ZBTB48: variants seen among roughly 807,000 people sequenced by gnomAD.
ZBTB48 encodes the protein zinc finger and BTB domain-containing protein 48.
ZBTB48 carries 35 observed loss-of-function variants against 64.5 expected under a neutral mutation model. The observed-to-expected ratio is 0.54, with a 90% CI of 0.41 to 0.72. ZBTB48 has a LOEUF of 0.72. Ranked by LOEUF, ZBTB48 falls within the 30% of genes least tolerant of loss-of-function variation. ZBTB48 has a pLI of 0.00. For missense variants in ZBTB48, 828 were observed against 895.3 expected (o/e 0.92, Z 0.96); for synonymous variants, 442 against 356.7 (o/e 1.24, Z -2.70).
In ZBTB48 at chr1:6,580,649, C is replaced by T; in HGVS notation, c.40C>T (p.Gln14Ter). The T allele has an allele frequency of 6.2e-7, 1 of 1,614,032 alleles. No homozygotes were observed. The highest frequency in any genetic ancestry group is 8.5e-7 in the Non-Finnish European group (1 of 1,180,008). ...SFVQHSVRVL[Q>*]ELNKQREKGQ... is the part of the protein sequence containing the mutation. The stretch of plus-strand genomic sequence containing the variant: ...CGTCCAGCACAGTGTGAGGGTTCTG[C>T]AGGAGCTCAACAAGCAGCGGGAGAA... Residue 14 changes from glutamine (Q) to a stop codon, truncating the protein, a stop_gained, in exon 2 of 11, where the codon CAG becomes TAG. Transcript: ENST00000377674. LOFTEE classifies it high-confidence loss of function. This position sits in a 1 kb window ranked among gnomAD's most constrained non-coding sequence, Gnocchi z 5.2.
chr1:6,581,204 C>A lies in ZBTB48; in HGVS notation c.595C>A (p.Pro199Thr), dbSNP rs1255024656. 2 of 1,613,362 alleles carry A rather than the reference C, an allele frequency of 1.2e-6. No individual in the cohort carries two copies. Among genetic ancestry groups the A allele is most frequent in the South Asian group, 2.2e-5 (2 of 91,088 alleles). Residue 199 changes from proline to threonine, a missense_variant, in exon 2 of 11, where the codon CCT becomes ACT. Physicochemically the swap from Pro to Thr is conservative, Grantham distance 38. Transcript: ENST00000377674. ...LCGKLKQALK[P>T]CPLEDKKPED... ...TGGGAAACTGAAGCAGGCCTTGAAG[C>A]CTTGTCCCCTTGAGGACAAGAAACC... is the stretch of plus-strand genomic sequence containing the variant.
chr1:6,582,930 A>C (rs973356832), intron 3 of ZBTB48, among the ~76,000 whole-genome samples: 2 of 152,378 alleles, frequency 1.3e-5, no homozygotes, highest in East Asian at 3.9e-4. Flanking sequence ...CTGGCCTCCC[A>C]AAGTGCTGGA....
Position 6,588,057 on chromosome 1 carries a change from C to A in ZBTB48, c.1380-3C>A. ...CCTCTGCCCCATGTCCCCACCTTAACAGGAATGAGAGGCCACACGTATGTG... is the reference window on the plus strand; with the variant it reads ...CCTCTGCCCCATGTCCCCACCTTAAAAGGAATGAGAGGCCACACGTATGTG... On this transcript the variant is annotated splice_polypyrimidine_tract_variant and splice_region_variant and intron_variant, in intron 7 of 10. Coordinates refer to ENST00000377674, the MANE Select transcript of ZBTB48 (RefSeq NM_005341.4). 1 of 1,614,056 alleles carries A rather than the reference C, an allele frequency of 6.2e-7. No individual in the cohort carries two copies. The highest frequency in any genetic ancestry group is 1.3e-5 in the African/African-American group (1 of 75,064).
chr1:6,588,820 G>C lies in ZBTB48; in HGVS notation c.1746G>C (p.Glu582Asp). 1 of 1,614,150 alleles carries C rather than the reference G, an allele frequency of 6.2e-7. No homozygotes were observed. The highest frequency in any genetic ancestry group is 1.1e-5 in the South Asian group (1 of 91,092). Residue 582 changes from glutamate (E) to aspartate (D), a missense_variant, in exon 10 of 11, where the codon GAG (glutamate) becomes GAC (aspartate). Glu to Asp is a conservative substitution (Grantham distance 45). Coordinates refer to ENST00000377674, the MANE Select transcript of ZBTB48 (RefSeq NM_005341.4). ...HKGVRKFECT[E>D]CGYKFTRQAH... ...GGGTGAGGAAGTTTGAGTGCACCGA[G>C]TGTGGCTACAAGTTTACCCGACAGG...
In ZBTB48 at chr1:6,585,944, G is replaced by C; in HGVS notation, c.958G>C (p.Glu320Gln). ...NRKHTGEKPF[E>Q]CPKCGKCYFR... ...GAAACATACTGGGGAGAAACCCTTT[G>C]AGTGTCCCAAATGTGGGAAGTGTTA... Residue 320 changes from glutamate to glutamine, a missense_variant, in exon 4 of 11, where the codon GAG becomes CAG. Glu to Gln is a conservative substitution (Grantham distance 29, BLOSUM62 2). Coordinates refer to ENST00000377674, the MANE Select transcript of ZBTB48 (RefSeq NM_005341.4). The C allele has an allele frequency of 6.8e-6, 11 of 1,614,100 alleles. No homozygotes were observed. The highest frequency in any genetic ancestry group is 9.3e-6 in the Non-Finnish European group (11 of 1,179,978).
intron 2 of ZBTB48, among the ~76,000 whole-genome samples, chr1:6,581,741 G>T (rs578138989): frequency 4.6e-5 from 7 of 152,212 alleles, no homozygotes; most frequent in Non-Finnish European, 1.0e-4. Context: ...TCCAAAGGAA[G>T]CTGGTGACCT....
Position 6,588,174 on chromosome 1 carries a change from T to C in ZBTB48, c.1494T>C (p.Cys498=). The C allele has an allele frequency of 2.5e-6, 4 of 1,614,116 alleles. No homozygotes were observed. Among genetic ancestry groups the C allele is most frequent in the Non-Finnish European group, 3.4e-6 (4 of 1,180,040 alleles). The change falls in exon 8 of 11, where the codon TGT becomes TGC. Residue 498 remains cysteine (C), a synonymous_variant. Coordinates refer to ENST00000377674, the MANE Select transcript of ZBTB48 (RefSeq NM_005341.4). ...AGAAGCCCTTCCAGTGCCACCTCTG[T>C]GGCAAGACCTTCCGAACCCAAGGTG... ...TGEKPFQCHL[C]GKTFRTQASL... is the part of the protein sequence containing the mutation.
At chr1:6,587,400 T>G in intron 6 of ZBTB48, 78 bp from the exon 7 acceptor site, 1 of 1,607,710 alleles carries the variant, frequency 6.2e-7, no homozygotes, top group African/African-American at 1.3e-5. Flanking sequence ...GGGGGGTGCT[T>G]GTGGGTCTCC....
At chr1:6,587,139 A>G in intron 5 of ZBTB48, 66 bp from the exon 6 acceptor site, 1 of 1,556,216 alleles carries the variant, frequency 6.4e-7, no homozygotes, top group Non-Finnish European at 8.9e-7. Flanking sequence ...CCTATAGCCC[A>G]AGGGTGGGTG....
chr1:6,586,042 C>G lies in ZBTB48; in HGVS notation c.1044+12C>G. The G allele has an allele frequency of 6.2e-7, 1 of 1,613,422 alleles. No homozygotes were observed. Among genetic ancestry groups the G allele is most frequent in the African/African-American group, 1.3e-5 (1 of 75,032 alleles). ...ACCGCTCGGAACAGGTACTTGGGAGCTGGCCCAGGTACTTGTGGGCAGGGC... is the reference window on the plus strand; with the variant it reads ...ACCGCTCGGAACAGGTACTTGGGAGGTGGCCCAGGTACTTGTGGGCAGGGC... On this transcript the variant is annotated intron_variant, in intron 4 of 10. Coordinates refer to ENST00000377674, the MANE Select transcript of ZBTB48 (RefSeq NM_005341.4).
intron 3 of ZBTB48, 51 bp downstream of exon 3, chr1:6,582,350 G>C: frequency 6.3e-7 from 1 of 1,586,086 alleles, no homozygotes; most frequent in Non-Finnish European, 8.6e-7. Flanking sequence ...TTCCCACGTT[G>C]GGGGAGGGGT....
At chr1:6,585,131 C>T (rs1455018755) in intron 3 of ZBTB48, among the ~76,000 whole-genome samples, 1 of 152,074 alleles carries the variant, frequency 6.6e-6, no homozygotes, top group Non-Finnish European at 1.5e-5. Flanking sequence ...TAGCCAGGGT[C>T]TCTAGAGTCT....
In ZBTB48 at chr1:6,580,934, G is replaced by C; in HGVS notation, c.325G>C (p.Glu109Gln). 1 of 1,614,036 alleles carries C rather than the reference G, an allele frequency of 6.2e-7. No homozygotes were observed. Among genetic ancestry groups the C allele is most frequent in the Non-Finnish European group, 8.5e-7 (1 of 1,180,044 alleles). Reference sequence around the variant, plus strand: ...GGAGTTGCGAGTGCCAGAGGCCGTAGAGCTGTGCCAGAGCTTCAAGCCCAA... The same window carrying C: ...GGAGTTGCGAGTGCCAGAGGCCGTACAGCTGTGCCAGAGCTTCAAGCCCAA... The part of the protein sequence containing the change: ...ARELRVPEAV[E>Q]LCQSFKPKTS... The change falls in exon 2 of 11, where the codon GAG becomes CAG. Residue 109 changes from glutamate (E) to glutamine (Q), a missense_variant. Transcript: ENST00000377674. This position sits in a 1 kb window ranked among gnomAD's most constrained non-coding sequence, Gnocchi z 5.2.
chr1:6,582,987 G>A (rs1261791363), intron 3 of ZBTB48, among the ~76,000 whole-genome samples: 2 of 146,878 alleles, frequency 1.4e-5, no homozygotes, highest in African/African-American at 5.1e-5. Flanking sequence ...GCTATTTTAT[G>A]TTTTTTGTTT....
intron 4 of ZBTB48, 114 bp from the exon 5 acceptor site, chr1:6,586,581 C>A: frequency 7.2e-7 from 1 of 1,393,892 alleles, no homozygotes. Flanking sequence ...CCCTAGCGTC[C>A]CCACCCTCCC....
intron 3 of ZBTB48, among the ~76,000 whole-genome samples, chr1:6,583,603 ATTT>A (rs147175046): frequency 1.8e-5 from 2 of 108,620 alleles, no homozygotes; most frequent in Non-Finnish European, 2.0e-5. Context: ...CCAGCCTGTT[ATTT>A]TTTTTTTTTT....
chr1:6,588,642 A>G, intron 9 of ZBTB48, 114 bp from the exon 10 acceptor site: 1 of 1,501,266 alleles, frequency 6.7e-7, no homozygotes, highest in Non-Finnish European at 9.0e-7. Flanking sequence ...GGGCCTGTGC[A>G]GCACTTGTAA....
chr1:6,580,739 C>T lies in ZBTB48; in HGVS notation c.130C>T (p.Leu44Phe). ...GLVFKAHWSV[L>F]ACCSHFFQSL... The stretch of plus-strand genomic sequence containing the variant: ...GGTGTTTAAGGCACACTGGAGTGTC[C>T]TTGCCTGCTGCAGTCACTTTTTCCA... Residue 44 changes from leucine to phenylalanine, a missense_variant, in exon 2 of 11, where the codon CTT becomes TTT. Transcript: ENST00000377674. The surrounding 1 kb of genome is among the most constrained non-coding windows in gnomAD (Gnocchi z 5.2). 2 of 1,614,200 alleles carry T rather than the reference C, an allele frequency of 1.2e-6. No individual in the cohort carries two copies. Among genetic ancestry groups the T allele is most frequent in the Non-Finnish European group, 1.7e-6 (2 of 1,180,040 alleles).
chr1:6,584,966 G>A lies in ZBTB48; in HGVS notation c.933-953G>A, dbSNP rs1225702568. On this transcript the variant is annotated intron_variant, in intron 3 of 10. Transcript: ENST00000377674. The surrounding 1 kb of genome is among the most constrained non-coding windows in gnomAD (Gnocchi z 4.5). The stretch of plus-strand genomic sequence containing the variant: ...ATGCATTTAAGGGAACTAAACAAAG[G>A]TGCTTGTGCAGCCGACCTGCTTGCC... Among the ~76,000 whole-genome samples, 1 of 152,138 alleles carries A rather than the reference G, an allele frequency of 6.6e-6. No homozygotes were observed. Among genetic ancestry groups the A allele is most frequent in the African/African-American group, 2.4e-5 (1 of 41,420 alleles).
Sources: gnomAD v4.1 joint callset for allele counts (sites outside exome capture counted in the v4.1 genomes callset) on GRCh38, gnomAD v4.1.1 for gene constraint, Gnocchi (gnomAD v3.1) non-coding constraint, MANE v1.5 for transcripts, NCBI Gene and HGNC (gene_info 2026-07-23, HGNC 2026-07-21) for gene names.